ANXA8: variants seen among roughly 807,000 people sequenced by gnomAD.
ANXA8 encodes the protein VAC-beta.
In ANXA8, 9 loss-of-function variants were observed where a neutral mutation model predicts 26.8. The observed-to-expected ratio is 0.34, with a 90% CI of 0.20 to 0.59. The LOEUF is 0.59. Among genes scored for constraint, ANXA8 ranks in the 20% least tolerant of loss-of-function variants. The pLI, the probability that ANXA8 is intolerant of heterozygous loss-of-function variation, is 0.84. For synonymous variants in ANXA8, 39 were observed against 94.8 expected, an observed-to-expected ratio of 0.41 and a Z score of 3.42; for missense variants, 83 against 238.5, an observed-to-expected ratio of 0.35 and a Z score of 4.29.
the ANXA8 span, among the ~76,000 whole-genome samples, chr10:47,666,349 G>GA: frequency 2.0e-5 from 3 of 150,582 alleles, no homozygotes; most frequent in African/African-American, 7.4e-5. Flanking sequence ...TCAGTTATTA[G>GA]AAAAAACACA....
the ANXA8 span, among the ~76,000 whole-genome samples, chr10:47,939,153 A>G: frequency 8.9e-5 from 13 of 146,006 alleles, 2 homozygotes; most frequent in African/African-American, 3.5e-4. Flanking sequence ...AAGATAAAAA[A>G]TTAGCTGAGT....
the ANXA8 span, among the ~76,000 whole-genome samples, chr10:47,680,361 G>A: frequency 2.6e-5 from 4 of 151,994 alleles, no homozygotes; most frequent in Non-Finnish European, 4.4e-5. Context: ...GTGGCCCGGC[G>A]TGGTGGCTCA....
the ANXA8 span, among the ~76,000 whole-genome samples, chr10:47,492,305 G>A: frequency 6.8e-6 from 1 of 147,760 alleles, no homozygotes; most frequent in Non-Finnish European, 1.5e-5. Flanking sequence ...CAGAAGCGTA[G>A]TCACCTGGTG....
the ANXA8 span, among the ~76,000 whole-genome samples, chr10:47,925,009 A>C: frequency 3.5e-5 from 4 of 112,688 alleles, no homozygotes; most frequent in African/African-American, 1.4e-4. Context: ...TGATTTATTG[A>C]GGGAACTTTT....
At chr10:47,982,835 A>AT in the ANXA8 span, among the ~76,000 whole-genome samples, 17 of 12,784 alleles carry the variant, frequency 1.3e-3, no homozygotes, top group African/African-American at 3.3e-3. Flanking sequence ...TATATATATA[A>AT]AATTTGATAA....
chr10:47,930,103 G>C, the ANXA8 span, among the ~76,000 whole-genome samples: 2 of 152,110 alleles, frequency 1.3e-5, no homozygotes, highest in Non-Finnish European at 2.9e-5. Context: ...GACCTCTCCC[G>C]CCTCAGGCCT....
chr10:47,669,084 A>G, the ANXA8 span, among the ~76,000 whole-genome samples: 1 of 151,770 alleles, frequency 6.6e-6, no homozygotes, highest in South Asian at 2.1e-4. Flanking sequence ...CCCCGCACCA[A>G]TGTGCTTTAT....
At chr10:47,989,811 G>A in the ANXA8 span, among the ~76,000 whole-genome samples, 3 of 88,802 alleles carry the variant, frequency 3.4e-5, 1 homozygote, top group South Asian at 1.4e-3. Context: ...AGAGGAAAAG[G>A]CAACACCAAA....
the ANXA8 span, among the ~76,000 whole-genome samples, chr10:47,727,507 G>A: frequency 6.7e-6 from 1 of 148,550 alleles, no homozygotes; most frequent in African/African-American, 2.4e-5. Flanking sequence ...TAGTAATTTT[G>A]AGTTGAATGC....
the ANXA8 span, among the ~76,000 whole-genome samples, chr10:47,952,732 T>G: frequency 6.8e-6 from 1 of 147,670 alleles, no homozygotes; most frequent in Non-Finnish European, 1.5e-5. Flanking sequence ...TCTACTTTAT[T>G]TCAAGATTAC....
chr10:47,495,637 GCAA>G, the ANXA8 span, among the ~76,000 whole-genome samples: 13 of 145,892 alleles, frequency 8.9e-5, no homozygotes, highest in African/African-American at 2.3e-4. Context: ...ACTATATGGG[GCAA>G]CAACAAGACT....
At chr10:47,487,471 C>T (rs1247779182), upstream of ANXA8, 7 of 576,276 alleles carry the variant, frequency 1.2e-5, no homozygotes, top group Non-Finnish European at 2.0e-5. Flanking sequence ...CCTTGAGTGG[C>T]CTGTGGGATG....
chr10:47,975,161 T>C, the ANXA8 span, among the ~76,000 whole-genome samples: 1 of 149,436 alleles, frequency 6.7e-6, no homozygotes, highest in South Asian at 2.1e-4. Flanking sequence ...ACTATTTAGA[T>C]AAGGGATAGA....
At chr10:47,653,038 G>C in the ANXA8 span, among the ~76,000 whole-genome samples, 1 of 151,350 alleles carries the variant, frequency 6.6e-6, no homozygotes, top group African/African-American at 2.5e-5. Flanking sequence ...AAGCCCGTGT[G>C]CAGTGGCTCA....
At chr10:47,755,082 G>C in the ANXA8 span, among the ~76,000 whole-genome samples, 1 of 145,786 alleles carries the variant, frequency 6.9e-6, no homozygotes, top group Non-Finnish European at 1.5e-5. Flanking sequence ...TCAGCCTCCC[G>C]AGTAGTTGGG....
At chr10:47,664,652 A>G in the ANXA8 span, among the ~76,000 whole-genome samples, 3 of 150,926 alleles carry the variant, frequency 2.0e-5, no homozygotes, top group African/African-American at 4.9e-5. Context: ...ATTGTGTTGG[A>G]TAACTTTGTC....
chr10:47,941,131 C>T, the ANXA8 span, among the ~76,000 whole-genome samples: 2 of 145,894 alleles, frequency 1.4e-5, no homozygotes, highest in Admixed American at 6.8e-5. Context: ...AACCAATTAA[C>T]AAATGCTTAT....
the ANXA8 span, chr10:47,581,708 G>T: frequency 3.7e-6 from 1 of 269,900 alleles, no homozygotes; most frequent in Admixed American, 4.7e-5. Flanking sequence ...CTGGGTTCAT[G>T]CCATTCTCCT....
chr10:47,521,410 T>C, the ANXA8 span, among the ~76,000 whole-genome samples: 2 of 140,230 alleles, frequency 1.4e-5, 1 homozygote, highest in Non-Finnish European at 3.1e-5. Context: ...TATCTTGAAA[T>C]GTGAAGATAG....
Sources: allele counts gnomAD v4.1 joint callset (sites outside exome capture counted in the v4.1 genomes callset), GRCh38; gene constraint gnomAD v4.1.1; transcripts MANE v1.5; gene names NCBI Gene and HGNC (gene_info 2026-07-23, HGNC 2026-07-21).